Variants in MPP3 observed in about 807,000 individuals in gnomAD.
The protein encoded by MPP3 is MAGUK p55 subfamily member 3.
A neutral mutation model predicts 80.7 loss-of-function variants in MPP3; 48 were observed. The ratio of observed to expected loss-of-function variants is 0.59; its 90% CI spans 0.47 to 0.76. The LOEUF (loss-of-function observed/expected upper bound fraction) is 0.76, where lower values mean the gene tolerates loss of function less well. MPP3 is among the 30% of genes least tolerant of loss of function. The pLI is 0.00. For synonymous variants in MPP3, 311 were observed against 297.6 expected, an observed-to-expected ratio of 1.04 and a Z score of -0.46; for missense variants, 620 against 763.0, an observed-to-expected ratio of 0.81 and a Z score of 2.21.
intron 10 of MPP3, 60 bp downstream of exon 10, chr17:43,823,871 C>T: frequency 1.6e-6 from 2 of 1,246,918 alleles, no homozygotes; most frequent in East Asian, 2.4e-5. Context: ...ATCCAGCCCC[C>T]AGCCAGCGAG....
rs770649896 is a variant in MPP3 at position 43,816,003 on chromosome 17, G to C, written c.1009+35C>G. 3 of 1,472,636 alleles carry C rather than the reference G, an allele frequency of 2.0e-6. No homozygotes were observed. In the East Asian group the frequency reaches 8.0e-5, roughly 39 times the overall value. The allele number at this position is 1,472,636 out of a possible 1,614,324, so 91.2% of individuals were successfully genotyped here. On this transcript the variant is annotated intron_variant, in intron 14 of 19. Coordinates refer to ENST00000398389, the MANE Select transcript of MPP3 (RefSeq NM_001932.6). ...TAACTCTGGGGCCTTGGGTGGGGCA[G>C]GTCGTGCATGTGGGTGTCAGGGGGA...
chr17:43,831,517 A>C (rs1366098350), intron 4 of MPP3, 42 bp downstream of exon 4: 2 of 1,473,100 alleles, frequency 1.4e-6, no homozygotes, highest in Non-Finnish European at 1.9e-6. Flanking sequence ...AGCTAGAAAG[A>C]CCTCTAGACA....
At position 43,829,677 on chromosome 17, in the gene MPP3, A is replaced by G. The variant is rs1038200411; in HGVS notation, c.418T>C (p.Leu140=). 9.3e-6 allele frequency: 15 copies of G among 1,613,948 alleles called. No homozygotes were observed. In the African/African-American group the frequency reaches 2.0e-4, roughly 22 times the overall value. Residue 140 remains leucine (L), a synonymous_variant, in exon 7 of 20, where the codon TTG becomes CTG. Coordinates refer to ENST00000398389, the MANE Select transcript of MPP3 (RefSeq NM_001932.6). ...FDEESVKIVR[L]VKNKEPLGAT... ...ACCAGGGGTTCCTTGTTCTTCACCA[A>G]GCGGACGATCTTCACCGATTCCTCA...
chr17:43,831,960 G>GA lies in MPP3; in HGVS notation c.-37-18dup, dbSNP rs758000722. ...CTGCAGATTCTGGGAGAAGGGGGTG[G>GA]AGGTGGGTATTGAAGCTCCATCAAG... On this transcript the variant is annotated splice_polypyrimidine_tract_variant and intron_variant, in intron 2 of 19. Transcript: ENST00000398389. 3.1e-5 allele frequency: 49 copies of GA among 1,560,102 alleles called. No individual in the cohort carries two copies. In the Admixed American group the frequency reaches 5.8e-4, roughly 18 times the overall value.
chr17:43,815,369 A>G (rs2045064851), intron 14 of MPP3, among the ~76,000 whole-genome samples: 1 of 152,110 alleles, frequency 6.6e-6, no homozygotes. Flanking sequence ...AACTTTTTAG[A>G]AAGGAGGATT....
In MPP3 at chr17:43,821,161, G is replaced by A. The variant is rs1415217090; in HGVS notation, c.685-103C>T. 1.7e-5 allele frequency: 18 copies of A among 1,076,872 alleles called. No individual in the cohort carries two copies. In the South Asian group the frequency reaches 2.4e-4, roughly 15 times the overall value. The allele number at this position is 1,076,872 out of a possible 1,614,324, so 66.7% of individuals were successfully genotyped here. A position where few individuals can be genotyped will look rare whatever the true frequency, so the allele number is the denominator to read the frequency against. ...TGACAACGACCATCCACACTTAGGA[G>A]GACCAAGTGGCCTTTCAAATAGAAA... is the stretch of plus-strand genomic sequence containing the variant. On this transcript the variant is annotated intron_variant, in intron 10 of 19. Coordinates refer to ENST00000398389, the MANE Select transcript of MPP3 (RefSeq NM_001932.6).
intron 5 of MPP3, among the ~76,000 whole-genome samples, 158 bp from the exon 6 acceptor site, chr17:43,830,265 A>AGG (rs903487844): frequency 3.0e-4 from 45 of 152,264 alleles, no homozygotes; most frequent in African/African-American, 9.9e-4. Flanking sequence ...ACATCACACC[A>AGG]GGGGTCAGGA....
intron 7 of MPP3, among the ~76,000 whole-genome samples, chr17:43,828,629 A>G (rs1274027767): frequency 6.6e-6 from 1 of 152,246 alleles, no homozygotes; most frequent in African/African-American, 2.4e-5. Flanking sequence ...CACTCAACAT[A>G]TGTTAACCAC....
In MPP3 at chr17:43,831,267, T is replaced by A. The variant is rs1387878882; in HGVS notation, c.199A>T (p.Ser67Cys). Reference protein sequence around the residue: ...ERQSPTPVLHSAVALAEDVME... With the variant: ...ERQSPTPVLHCAVALAEDVME... ...ACGTCCTCAGCGAGGGCCACAGCGC[T>A]GTGCAGAACTGGGGTTGGACTTTGC... The change falls in exon 5 of 20, where the codon AGC becomes TGC. Residue 67 changes from serine (S) to cysteine (C), a missense_variant. By Grantham distance (112) the Ser-to-Cys change is moderately radical (BLOSUM62 -1). Coordinates refer to ENST00000398389, the MANE Select transcript of MPP3 (RefSeq NM_001932.6). 2 of 1,614,068 alleles carry A rather than the reference T, an allele frequency of 1.2e-6. No individual in the cohort carries two copies. The highest frequency in any genetic ancestry group is 4.5e-5 in the East Asian group (2 of 44,884).
Position 43,814,227 on chromosome 17 carries a change from C to T in MPP3, c.1144G>A (p.Gly382Arg), listed in dbSNP as rs757509188. The T allele has an allele frequency of 5.8e-5, 93 of 1,613,460 alleles. No individual in the cohort carries two copies. In the Middle Eastern group the frequency reaches 1.3e-3, roughly 23 times the overall value. Residue 382 changes from glycine (G) to arginine (R), a missense_variant, in exon 15 of 20, where the codon GGA (glycine) becomes AGA (arginine). Gly to Arg is a moderately radical substitution (Grantham distance 125, BLOSUM62 -2). Transcript: ENST00000398389. The stretch of plus-strand genomic sequence containing the variant: ...AGAACCACCAGGCGGGGCCGCTCTC[C>T]GGGCTGGTGTTGGTACCTGGCCACC... Reference protein sequence around the residue: ...EEVARYQHQPGERPRLVVLIG... With the variant: ...EEVARYQHQPRERPRLVVLIG...
At chr17:43,815,116 T>C (rs2045051638) in intron 14 of MPP3, among the ~76,000 whole-genome samples, 2 of 152,194 alleles carry the variant, frequency 1.3e-5, no homozygotes, top group Admixed American at 1.3e-4. Context: ...GCAGATCACT[T>C]GATCTCAGGA....
chr17:43,815,560 C>T (rs923686470), intron 14 of MPP3, among the ~76,000 whole-genome samples: 1 of 152,012 alleles, frequency 6.6e-6, no homozygotes, highest in Non-Finnish European at 1.5e-5. Context: ...TGCAATGTCA[C>T]ACACTACTGC....
In MPP3 at chr17:43,826,831, T is replaced by TATA. The variant is rs57570654; in HGVS notation, c.523+919_523+920insTAT. 7.8e-3 allele frequency among the ~76,000 whole-genome samples: 922 copies of TATA among 118,522 alleles called. 8 individuals carry two copies. Among genetic ancestry groups the TATA allele is most frequent in the Middle Eastern group, 0.034 (8 of 232 alleles). The allele number at this position is 118,522 out of a possible 152,430, so 77.8% of individuals were successfully genotyped here. A position where few individuals can be genotyped will look rare whatever the true frequency, so the allele number is the denominator to read the frequency against. On this transcript the variant is annotated intron_variant, in intron 8 of 19. Transcript: ENST00000398389. ...CCATGACTATTTATATATATATATA[T>TATA]TTTTTTTTTTTTTCTTTTTTTTTTG... is the stretch of plus-strand genomic sequence containing the variant.
intron 19 of MPP3, among the ~76,000 whole-genome samples, chr17:43,808,189 C>T (rs1398712884): frequency 1.3e-5 from 2 of 152,204 alleles, no homozygotes; most frequent in Non-Finnish European, 2.9e-5. Flanking sequence ...TCAGCGGGAG[C>T]TTCCTGACCA....
rs771313380 is a variant in MPP3 at position 43,827,820 on chromosome 17, G to A, written c.454C>T (p.Arg152Trp). The A allele has an allele frequency of 2.6e-5, 42 of 1,613,096 alleles. No individual in the cohort carries two copies. The Middle Eastern group carries it at 1.5e-3, about 57-fold the overall frequency. The change falls in exon 8 of 20, where the codon CGG becomes TGG. Residue 152 changes from arginine (R) to tryptophan (W), a missense_variant. Physicochemically the swap from Arg to Trp is moderately radical, Grantham distance 101. Coordinates refer to ENST00000398389, the MANE Select transcript of MPP3 (RefSeq NM_001932.6). ...KNKEPLGATI[R>W]RDEHSGAVVV... ...ACAGCCCCTGAGTGCTCGTCCCGCC[G>A]GATGGTGGCACCCTGAACCCGAGAC... is the stretch of plus-strand genomic sequence containing the variant.
chr17:43,816,794 C>A (rs1000832002), intron 12 of MPP3, 97 bp from the exon 13 acceptor site: 5 of 1,133,616 alleles, frequency 4.4e-6, no homozygotes, highest in Middle Eastern at 1.9e-4. Context: ...CTGAGGAGCC[C>A]GCCATCTGGC....
intron 11 of MPP3, chr17:43,819,110 T>C (rs769362031): frequency 6.6e-6 from 1 of 152,180 alleles, no homozygotes; most frequent in Non-Finnish European, 1.5e-5. Context: ...TGTGAGTTTC[T>C]GGGCAGGACC....
chr17:43,816,815 TTCC>T, intron 12 of MPP3, 118 bp from the exon 13 acceptor site: 1 of 890,352 alleles, frequency 1.1e-6, no homozygotes, highest in Non-Finnish European at 1.8e-6. Context: ...CTCTTTCCCT[TTCC>T]TCCAACGAAC....
At position 43,811,222 on chromosome 17, in the gene MPP3, G is replaced by T. The variant is rs756771223; in HGVS notation, c.1256-17C>A. 117 of 1,601,890 alleles carry T rather than the reference G, an allele frequency of 7.3e-5. No individual in the cohort carries two copies. Among genetic ancestry groups the T allele is most frequent in the Admixed American group, 5.8e-4 (35 of 59,986 alleles). ...TGGTGGTATCTTTTAAAGAAAGAAG[G>T]AAAGCTGGGCAAAGAGATGTCACAT... On this transcript the variant is annotated splice_polypyrimidine_tract_variant and intron_variant, in intron 16 of 19. Coordinates refer to ENST00000398389, the MANE Select transcript of MPP3 (RefSeq NM_001932.6).
Sources: gnomAD v4.1 joint callset for allele counts (sites outside exome capture counted in the v4.1 genomes callset) on GRCh38, gnomAD v4.1.1 for gene constraint, MANE v1.5 for transcripts, NCBI Gene and HGNC (gene_info 2026-07-23, HGNC 2026-07-21) for gene names.